LMF1: variants seen among roughly 807,000 people sequenced by gnomAD.
LMF1 encodes the protein transmembrane protein 112.
In LMF1, 68 loss-of-function variants were observed where a neutral mutation model predicts 60.6. That is an observed-to-expected ratio of 1.12 (90% CI 0.92 to 1.37). LMF1 has a LOEUF of 1.37. Among genes scored for constraint, LMF1 ranks in the 40% most tolerant of loss-of-function variants. The pLI, the probability that LMF1 is intolerant of heterozygous loss-of-function variation, is 0.00. For synonymous variants in LMF1, 418 were observed against 324.7 expected, an observed-to-expected ratio of 1.29 and a Z score of -3.09; for missense variants, 948 against 767.2, an observed-to-expected ratio of 1.24 and a Z score of -2.78.
chr16:953,441 A>ACCCACTGCTTCTGCCTCCCTTT (rs2072553189), intron 2 of LMF1, among the ~76,000 whole-genome samples: 2 of 58,638 alleles, frequency 3.4e-5, no homozygotes, highest in Non-Finnish European at 7.9e-5. Context: ...ACAGACACGG[A>ACCCACTGCTTCTGCCTCCCTTT]CCCCACACCA....
intron 5 of LMF1, among the ~76,000 whole-genome samples, chr16:888,905 G>A (rs1314727241): frequency 1.3e-5 from 2 of 152,142 alleles, no homozygotes. Flanking sequence ...GTCCTCAGCT[G>A]GGACAGGAGC....
chr16:973,673 T>C (rs777679396), upstream of LMF1, among the ~76,000 whole-genome samples: 1 of 152,200 alleles, frequency 6.6e-6, no homozygotes, highest in Non-Finnish European at 1.5e-5. Flanking sequence ...AATGGCTTAT[T>C]TCATGCTATG....
chr16:871,979 AC>A (rs2069809076), intron 6 of LMF1: 1 of 152,284 alleles, frequency 6.6e-6, no homozygotes, highest in Non-Finnish European at 1.5e-5. Context: ...CAGTGAGTAA[AC>A]CTGCGGCAGG....
At chr16:928,465 C>T (rs1374832110) in intron 3 of LMF1, among the ~76,000 whole-genome samples, 3 of 152,206 alleles carry the variant, frequency 2.0e-5, no homozygotes, top group Admixed American at 6.5e-5. Flanking sequence ...CTGGATGGGA[C>T]TGTAGTAAGA....
At chr16:945,549 C>T (rs1430999140) in intron 2 of LMF1, among the ~76,000 whole-genome samples, 1 of 144,468 alleles carries the variant, frequency 6.9e-6, no homozygotes, top group East Asian at 2.0e-4. Flanking sequence ...AAAAGTTCAG[C>T]TGGCACTGGG....
rs200876477 is a variant in LMF1 at position 869,883 on chromosome 16, C to T, written c.1416G>A (p.Gln472=). 1.9e-6 allele frequency: 3 copies of T among 1,611,126 alleles called. No homozygotes were observed. Among genetic ancestry groups the T allele is most frequent in the Non-Finnish European group, 2.5e-6 (3 of 1,179,398 alleles). ...GCGCCCGCCAGGGACCGTCCCCCACCTGGAAGGCCGCGAACCACATCAGCC... is the reference window on the plus strand; with the variant it reads ...GCGCCCGCCAGGGACCGTCCCCCACTTGGAAGGCCGCGAACCACATCAGCC... ...LDWLMWFAAF[Q]TYEHNDWIIH... Residue 472 remains glutamine, a splice_region_variant and synonymous_variant, in exon 9 of 11, where the codon CAG becomes CAA. Transcript: ENST00000262301.
intron 2 of LMF1, among the ~76,000 whole-genome samples, chr16:939,578 C>T (rs2072039418): frequency 6.6e-6 from 1 of 152,160 alleles, no homozygotes; most frequent in Non-Finnish European, 1.5e-5. Flanking sequence ...GCTGAGACTG[C>T]CGGCGCCAGG....
intron 5 of LMF1, among the ~76,000 whole-genome samples, chr16:888,417 C>T (rs1166309840): frequency 2.0e-5 from 3 of 152,226 alleles, no homozygotes; most frequent in African/African-American, 7.2e-5. Context: ...ACTCCAGATC[C>T]AGTGAGTTTT....
intron 1 of LMF1, among the ~76,000 whole-genome samples, chr16:965,078 C>A (rs920341866): frequency 6.6e-6 from 1 of 152,212 alleles, no homozygotes. Context: ...ACTGGAAAGA[C>A]GAGCAAGAAA....
intron 3 of LMF1, among the ~76,000 whole-genome samples, chr16:919,276 C>T (rs1468243701): frequency 6.6e-6 from 1 of 152,134 alleles, no homozygotes; most frequent in Non-Finnish European, 1.5e-5. Context: ...TGAGCTCACA[C>T]ACTCACAGGG....
intron 1 of LMF1, among the ~76,000 whole-genome samples, chr16:963,567 G>T (rs552545854): frequency 2.6e-5 from 4 of 152,144 alleles, no homozygotes; most frequent in Non-Finnish European, 5.9e-5. Context: ...GTATGCAGGT[G>T]GGAGAAACAC....
chr16:912,919 G>A (rs1039371420), intron 3 of LMF1, among the ~76,000 whole-genome samples: 13 of 152,218 alleles, frequency 8.5e-5, no homozygotes, highest in African/African-American at 2.9e-4. Flanking sequence ...CGGCCTCAGC[G>A]CCAAGGTCAG....
intron 1 of LMF1, among the ~76,000 whole-genome samples, chr16:969,315 G>A (rs9932184): frequency 0.021 from 3,130 of 151,806 alleles, 109 homozygotes; most frequent in African/African-American, 0.07. Flanking sequence ...ACTCCGTCTC[G>A]AAAAAAATAA....
rs1025830314 is a variant in LMF1, at chr16:957,395, C to T, written c.194-2729G>A. On this transcript the variant is annotated intron_variant, in intron 1 of 10. Coordinates refer to ENST00000262301, the MANE Select transcript of LMF1 (RefSeq NM_022773.4). The stretch of plus-strand genomic sequence containing the variant: ...ATTTATAAATCTAAAAACATATAAA[C>T]GGAATCTGCACATGGAAAACTACAA... Among the ~76,000 whole-genome samples, 11 of 151,920 alleles carry T rather than the reference C, an allele frequency of 7.2e-5. No individual in the cohort carries two copies. In the East Asian group the frequency reaches 1.2e-3, roughly 16 times the overall value.
rs886712958 is a variant in LMF1, at chr16:853,878, TG to T, written c.*653del. On this transcript the variant is annotated 3_prime_UTR_variant, in exon 11 of 11. Transcript: ENST00000262301. ...ATCTGCACCTCACAGACACCAGTCATGGGGGGATGAAACCGGGCCAAGAACA... is the reference window on the plus strand; with the variant it reads ...ATCTGCACCTCACAGACACCAGTCATGGGGGATGAAACCGGGCCAAGAACA... The T allele has an allele frequency of 6.6e-6, 3 of 453,794 alleles. No individual in the cohort carries two copies. The highest frequency in any genetic ancestry group is 2.0e-5 in the African/African-American group (1 of 49,928). The allele number at this position is 453,794 out of a possible 1,614,324, so 28.1% of individuals were successfully genotyped here.
intron 1 of LMF1, 61 bp downstream of exon 1, chr16:970,727 G>A (rs1370898157): frequency 9.8e-6 from 14 of 1,434,372 alleles, no homozygotes; most frequent in Admixed American, 8.6e-5. Flanking sequence ...TCGAGGGAGG[G>A]CGGGGGTCGT....
chr16:956,128 C>T (rs1282989781), intron 1 of LMF1, among the ~76,000 whole-genome samples: 3 of 88,550 alleles, frequency 3.4e-5, no homozygotes, highest in Non-Finnish European at 6.0e-5. Flanking sequence ...CACAATGGCA[C>T]TGTCACATCC....
rs762740737 is a variant in LMF1, at chr16:871,214, C to T, written c.1025G>A (p.Arg342Gln). 21 of 1,611,264 alleles carry T rather than the reference C, an allele frequency of 1.3e-5. No homozygotes were observed. Among genetic ancestry groups the T allele is most frequent in the Admixed American group, 1.2e-4 (7 of 59,832 alleles). Residue 342 changes from arginine to glutamine, a missense_variant, in exon 7 of 11, where the codon CGA (arginine) becomes CAA (glutamine). Coordinates refer to ENST00000262301, the MANE Select transcript of LMF1 (RefSeq NM_022773.4). ...FPSGPGSLKD[R>Q]VLQMQRDIRG... is the part of the protein sequence containing the mutation. ...GATGTCCCTCTGCATCTGCAGAACT[C>T]GGTCCTTCAGGCTGCCTGGCCCAGA...
In LMF1 at chr16:897,217, G is replaced by T. The variant is rs2070689568; in HGVS notation, c.664-4145C>A. 6.6e-6 allele frequency among the ~76,000 whole-genome samples: 1 copy of T among 152,130 alleles called. No homozygotes were observed. Among genetic ancestry groups the T allele is most frequent in the African/African-American group, 2.4e-5 (1 of 41,414 alleles). ...CCCCAAATCTGCCATCTGGAAACTC[G>T]AAGTGTCTTGACGGTCGTATGCGGA... On this transcript the variant is annotated intron_variant, in intron 4 of 10. Coordinates refer to ENST00000262301, the MANE Select transcript of LMF1 (RefSeq NM_022773.4). The surrounding 1 kb of genome is among the most constrained non-coding windows in gnomAD (Gnocchi z 4.3).
Sources: gnomAD v4.1 joint callset for allele counts (sites outside exome capture counted in the v4.1 genomes callset) on GRCh38, gnomAD v4.1.1 for gene constraint, Gnocchi (gnomAD v3.1) non-coding constraint, MANE v1.5 for transcripts, NCBI Gene and HGNC (gene_info 2026-07-23, HGNC 2026-07-21) for gene names.